The following STX8 variants were observed in gnomAD, a reference collection of about 807,000 sequenced individuals.
STX8 encodes syntaxin-8.
Under a neutral mutation model 37.5 loss-of-function variants are expected in STX8, and 23 were observed. That is an observed-to-expected ratio of 0.61 (90% CI 0.44 to 0.87). The LOEUF (loss-of-function observed/expected upper bound fraction) is 0.87, where lower values mean the gene tolerates loss of function less well. Ranked by LOEUF, STX8 falls within the 40% of genes least tolerant of loss-of-function variation. The pLI, the probability that STX8 is intolerant of heterozygous loss-of-function variation, is 0.00. For missense variants in STX8, 313 were observed against 284.7 expected (o/e 1.10, Z -0.71); for synonymous variants, 115 against 99.1 (o/e 1.16, Z -0.95).
At chr17:9,544,311 G>A (rs1370250790) in intron 4 of STX8, among the ~76,000 whole-genome samples, 1 of 152,068 alleles carries the variant, frequency 6.6e-6, no homozygotes, top group Non-Finnish European at 1.5e-5. Flanking sequence ...AGCAATTTAC[G>A]GTTCATCAAC....
intron 7 of STX8, among the ~76,000 whole-genome samples, chr17:9,252,004 A>G (rs1360094134): frequency 1.3e-5 from 2 of 149,514 alleles, no homozygotes; most frequent in East Asian, 4.0e-4. Context: ...TCTCTATTAA[A>G]AATATATTTA....
At chr17:9,545,033 AG>A (rs1372558745) in intron 4 of STX8, 138 bp downstream of exon 4, 2 of 613,098 alleles carry the variant, frequency 3.3e-6, no homozygotes, top group African/African-American at 3.7e-5. Context: ...TAAATTGAGT[AG>A]AAAATTATAG....
At chr17:9,346,594 C>T (rs1384617830) in intron 7 of STX8, among the ~76,000 whole-genome samples, 1 of 152,202 alleles carries the variant, frequency 6.6e-6, no homozygotes, top group Non-Finnish European at 1.5e-5. Flanking sequence ...CCCCCTCTAG[C>T]TTATGCATGC....
intron 6 of STX8, among the ~76,000 whole-genome samples, chr17:9,482,194 A>C (rs754246385): frequency 6.6e-6 from 1 of 152,066 alleles, no homozygotes; most frequent in African/African-American, 2.4e-5. Flanking sequence ...ATTTTTTTTT[A>C]ATCGTCTTAC....
chr17:9,533,937 C>T (rs373407001), intron 4 of STX8, among the ~76,000 whole-genome samples: 2 of 152,164 alleles, frequency 1.3e-5, no homozygotes. Flanking sequence ...CTGAACTAAC[C>T]TAGTCAACCA....
rs535745619 is a variant in STX8, at chr17:9,419,331, C to A, written c.542-40678G>T. Among the ~76,000 whole-genome samples, 14 of 152,284 alleles carry A rather than the reference C, an allele frequency of 9.2e-5. No homozygotes were observed. In the East Asian group the frequency reaches 2.7e-3, roughly 29 times the overall value. On this transcript the variant is annotated intron_variant, in intron 6 of 7. Transcript: ENST00000306357. ...GCCTCAAGTGATCCTCCCACCTCAG[C>A]CTCCCAAGTAAGCTGGGACTGTATA...
rs1481698834 is a variant in STX8 at position 9,368,922 on chromosome 17, C to CCTT, written c.643+9629_643+9630insAAG. ...TCTTAAGTCCTATCTACCTTTTACC[C>CCTT]TTTTTTTTTTTTTTTAAAGAAACAG... On this transcript the variant is annotated intron_variant, in intron 7 of 7. Transcript: ENST00000306357. Among the ~76,000 whole-genome samples the CCTT allele has an allele frequency of 3.0e-3, 439 of 145,380 alleles. 2 individuals carry two copies. The highest frequency in any genetic ancestry group is 0.01 in the African/African-American group (412 of 39,366).
At chr17:9,536,955 C>T (rs908269734) in intron 4 of STX8, among the ~76,000 whole-genome samples, 6 of 152,038 alleles carry the variant, frequency 3.9e-5, no homozygotes, top group Non-Finnish European at 7.4e-5. Flanking sequence ...ACCATGTTGG[C>T]CAGGCTGGTC....
intron 4 of STX8, among the ~76,000 whole-genome samples, chr17:9,521,037 G>T (rs1290137206): frequency 6.6e-6 from 1 of 152,130 alleles, no homozygotes; most frequent in Non-Finnish European, 1.5e-5. Flanking sequence ...GATATAAAAG[G>T]GTAATTCCTT....
intron 6 of STX8, among the ~76,000 whole-genome samples, chr17:9,436,108 C>T (rs1255586490): frequency 2.0e-5 from 3 of 151,720 alleles, no homozygotes; most frequent in African/African-American, 4.8e-5. Flanking sequence ...CTTGGCTGGG[C>T]GCCGTGGCTC....
chr17:9,254,906 G>A (rs1037004232), intron 7 of STX8, among the ~76,000 whole-genome samples: 1 of 152,128 alleles, frequency 6.6e-6, no homozygotes. Flanking sequence ...TTTTTGGAAG[G>A]GATAAGAAGA....
rs1906108556 is a variant in STX8, at chr17:9,537,573, G to A, written c.323+7599C>T. The stretch of plus-strand genomic sequence containing the variant: ...TTGTTAACACAGTCTATCACGTCCT[G>A]GCTCAATCTTTCTGTCAACAAACAT... On this transcript the variant is annotated intron_variant, in intron 4 of 7. Coordinates refer to ENST00000306357, the MANE Select transcript of STX8 (RefSeq NM_004853.3). Among the ~76,000 whole-genome samples, 3 of 4,422 alleles carry A rather than the reference G, an allele frequency of 6.8e-4. No individual in the cohort carries two copies. The Admixed American group carries it at 0.016, about 24-fold the overall frequency. 2.9% of individuals were successfully genotyped at this position (4,422 alleles called of 152,430 possible).
chr17:9,314,543 G>A (rs1291152145), intron 7 of STX8, among the ~76,000 whole-genome samples: 6 of 149,930 alleles, frequency 4.0e-5, no homozygotes, highest in African/African-American at 1.5e-4. Context: ...GACTACAGGC[G>A]CCCCCACTCC....
chr17:9,256,923 G>C (rs1906819353), intron 7 of STX8, among the ~76,000 whole-genome samples: 1 of 152,230 alleles, frequency 6.6e-6, no homozygotes, highest in African/African-American at 2.4e-5. Context: ...TTCAGAACAA[G>C]GAAAGACAGT....
chr17:9,505,039 T>G lies in STX8; in HGVS notation c.447A>C (p.Gln149His), dbSNP rs1190026078. The change falls in exon 5 of 8, where the codon CAA becomes CAC. Residue 149 changes from glutamine (Q) to histidine (H), a missense_variant and splice_region_variant. Gln to His is a conservative substitution (Grantham distance 24, BLOSUM62 0). Coordinates refer to ENST00000306357, the MANE Select transcript of STX8 (RefSeq NM_004853.3). ...CACACTCCTCAGGATATTTAGTACC[T>G]TGGATAATTTTCTGCTGCTGTTGCC... ...EIRQQQQKII[Q>H]EQDAGLDALS... The G allele has an allele frequency of 5.0e-6, 8 of 1,609,624 alleles. No homozygotes were observed. In the Admixed American group the frequency reaches 8.4e-5, roughly 17 times the overall value.
Position 9,501,883 on chromosome 17 carries a change from A to G in STX8, c.448+3155T>C, listed in dbSNP as rs541878627. On this transcript the variant is annotated intron_variant, in intron 5 of 7. Coordinates refer to ENST00000306357, the MANE Select transcript of STX8 (RefSeq NM_004853.3). ...ACTCGGGAGGCTGAGGCAGGAGAAT[A>G]GCGTGAACCTGAGAGGTGGAGCTTG... Among the ~76,000 whole-genome samples, 4 of 151,840 alleles carry G rather than the reference A, an allele frequency of 2.6e-5. No individual in the cohort carries two copies. In the South Asian group the frequency reaches 8.3e-4, roughly 32 times the overall value.
chr17:9,460,789 A>G lies in STX8; in HGVS notation c.541+31040T>C, dbSNP rs1048181362. ...TTAAAAGAACATATTTTGTCATCAG[A>G]CTGATCTGGGTTCAAATTCTGGCTT... On this transcript the variant is annotated intron_variant, in intron 6 of 7. Coordinates refer to ENST00000306357, the MANE Select transcript of STX8 (RefSeq NM_004853.3). 2.1e-4 allele frequency among the ~76,000 whole-genome samples: 32 copies of G among 152,224 alleles called. No individual in the cohort carries two copies. In the Middle Eastern group the frequency reaches 0.01, roughly 49 times the overall value.
At chr17:9,389,617 C>T (rs559389223) in intron 6 of STX8, among the ~76,000 whole-genome samples, 2 of 152,178 alleles carry the variant, frequency 1.3e-5, no homozygotes, top group East Asian at 1.9e-4. Flanking sequence ...AGCCTCAATA[C>T]ATTCTATATA....
At chr17:9,559,760 A>ATATATATATATTTTTTTTTT in intron 2 of STX8, among the ~76,000 whole-genome samples, 1 of 24,492 alleles carries the variant, frequency 4.1e-5, no homozygotes, top group East Asian at 2.7e-3. Context: ...ATATATATAT[A>ATATATATATATTTTTTTTTT]TTTTTTTTTT....
Sources: gnomAD v4.1 joint callset for allele counts (sites outside exome capture counted in the v4.1 genomes callset) on GRCh38, gnomAD v4.1.1 for gene constraint, MANE v1.5 for transcripts, NCBI Gene and HGNC (gene_info 2026-07-23, HGNC 2026-07-21) for gene names.